Variants in EFCAB6 observed in about 807,000 individuals in gnomAD.
The protein encoded by EFCAB6 is EF-hand calcium binding domain 6.
In EFCAB6, 156 loss-of-function variants were observed where a neutral mutation model predicts 169.8. That is an observed-to-expected ratio of 0.92 (90% CI 0.81 to 1.05). The LOEUF is 1.05. Ranked by LOEUF, EFCAB6 falls within the 50% of genes least tolerant of loss-of-function variation. The probability of loss-of-function intolerance (pLI) is 0.00; values close to 1 mark genes in which losing one functional copy is unlikely to be tolerated. For synonymous variants in EFCAB6, 698 were observed against 676.4 expected, an observed-to-expected ratio of 1.03 and a Z score of -0.50; for missense variants, 1,800 against 1,829.1, an observed-to-expected ratio of 0.98 and a Z score of 0.29.
At chr22:43,629,917 G>A (rs552258378) in intron 19 of EFCAB6, among the ~76,000 whole-genome samples, 87 of 152,294 alleles carry the variant, frequency 5.7e-4, no homozygotes, top group Middle Eastern at 3.4e-3. Context: ...AGTCCAAGAC[G>A]AATTGTGAAG....
chr22:43,560,695 TAAC>T (rs965869789), intron 26 of EFCAB6, among the ~76,000 whole-genome samples: 3 of 151,502 alleles, frequency 2.0e-5, no homozygotes, highest in African/African-American at 7.3e-5. Context: ...GCGTGGGAGG[TAAC>T]ATTATCCTCC....
intron 27 of EFCAB6, among the ~76,000 whole-genome samples, chr22:43,543,560 A>C (rs1160646467): frequency 6.6e-6 from 1 of 152,088 alleles, no homozygotes; most frequent in Non-Finnish European, 1.5e-5. Flanking sequence ...GGGGGAGGGG[A>C]AGGATCGACA....
intron 16 of EFCAB6, 116 bp from the exon 17 acceptor site, chr22:43,667,388 G>C (rs1300913139): frequency 1.5e-6 from 2 of 1,305,404 alleles, no homozygotes; most frequent in East Asian, 4.7e-5. Flanking sequence ...CCCATCCTCG[G>C]TTCACTAGCT....
chr22:43,594,307 A>G (rs961082785), intron 23 of EFCAB6, among the ~76,000 whole-genome samples: 2 of 151,124 alleles, frequency 1.3e-5, no homozygotes, highest in East Asian at 3.9e-4. Context: ...AAGAAAAGAC[A>G]TGAGTAACTA....
intron 24 of EFCAB6, among the ~76,000 whole-genome samples, chr22:43,585,341 C>T (rs917859430): frequency 2.6e-5 from 4 of 151,340 alleles, no homozygotes; most frequent in African/African-American, 4.9e-5. Flanking sequence ...GACTTTGATG[C>T]GCTCATCAGC....
chr22:43,590,469 T>G lies in EFCAB6; in HGVS notation c.2877-240A>C, dbSNP rs551887234. 9.5e-4 allele frequency among the ~76,000 whole-genome samples: 144 copies of G among 152,320 alleles called. 1 individual carries two copies. Among genetic ancestry groups the G allele is most frequent in the African/African-American group, 2.8e-3 (116 of 41,566 alleles). ...AGCAAAATTACAACATTAGAGAAAT[T>G]ACAACTTTGTCTTTGTACTAGAATC... On this transcript the variant is annotated intron_variant, in intron 23 of 31. Transcript: ENST00000262726.
At chr22:43,542,090 C>T (rs911607318) in intron 27 of EFCAB6, among the ~76,000 whole-genome samples, 2 of 152,256 alleles carry the variant, frequency 1.3e-5, no homozygotes, top group African/African-American at 4.8e-5. Flanking sequence ...GGTAGGCTTG[C>T]ACCCTCCTGT....
chr22:43,582,648 A>G (rs959614567), intron 24 of EFCAB6, among the ~76,000 whole-genome samples: 5 of 152,166 alleles, frequency 3.3e-5, no homozygotes, highest in African/African-American at 1.2e-4. Context: ...CAACCTAGAT[A>G]ATAGTGGAGG....
chr22:43,799,055 G>A (rs2062610247), intron 2 of EFCAB6, among the ~76,000 whole-genome samples: 1 of 152,102 alleles, frequency 6.6e-6, no homozygotes, highest in Non-Finnish European at 1.5e-5. Context: ...GGGAGCAGTG[G>A]CTCACACCTT....
At chr22:43,651,945 T>G (rs998764758) in intron 17 of EFCAB6, among the ~76,000 whole-genome samples, 6 of 152,208 alleles carry the variant, frequency 3.9e-5, no homozygotes, top group Non-Finnish European at 8.8e-5. Context: ...AGCAACTAAC[T>G]TGCTTTTGAT....
intron 10 of EFCAB6, among the ~76,000 whole-genome samples, chr22:43,701,697 T>C (rs1214941197): frequency 1.3e-5 from 2 of 149,156 alleles, no homozygotes; most frequent in Admixed American, 1.3e-4. Flanking sequence ...ACCTGCCTTA[T>C]ATTAGGATAA....
chr22:43,647,273 T>C (rs897083182), intron 17 of EFCAB6, among the ~76,000 whole-genome samples: 1 of 151,954 alleles, frequency 6.6e-6, no homozygotes, highest in Non-Finnish European at 1.5e-5. Context: ...AAAAGGACAA[T>C]AGAAATATTT....
At position 43,614,651 on chromosome 22, in the gene EFCAB6, T is replaced by C. The variant is rs567566040; in HGVS notation, c.2562+1175A>G. Among the ~76,000 whole-genome samples the C allele has an allele frequency of 2.0e-5, 3 of 152,306 alleles. No homozygotes were observed. In the South Asian group the frequency reaches 6.2e-4, roughly 32 times the overall value. ...TGAACCTAGAGGGCTGCTCTGAAAGTGGGCCACACAGAGCTCCAGTCTGTG... is the reference window on the plus strand; with the variant it reads ...TGAACCTAGAGGGCTGCTCTGAAAGCGGGCCACACAGAGCTCCAGTCTGTG... On this transcript the variant is annotated intron_variant, in intron 21 of 31. Coordinates refer to ENST00000262726, the MANE Select transcript of EFCAB6 (RefSeq NM_022785.4).
At chr22:43,783,580 T>G (rs902840114) in intron 2 of EFCAB6, among the ~76,000 whole-genome samples, 5 of 152,194 alleles carry the variant, frequency 3.3e-5, no homozygotes, top group Non-Finnish European at 5.9e-5. Context: ...TACGGAAATT[T>G]CTATCCAACC....
chr22:43,713,520 C>A (rs1170979929), intron 9 of EFCAB6, among the ~76,000 whole-genome samples: 1 of 152,118 alleles, frequency 6.6e-6, no homozygotes, highest in Admixed American at 6.5e-5. Context: ...GGAGTGCTCA[C>A]GTGCTTCTGG....
chr22:43,564,663 C>A (rs2049308186), intron 26 of EFCAB6, among the ~76,000 whole-genome samples: 1 of 152,070 alleles, frequency 6.6e-6, no homozygotes, highest in Admixed American at 6.5e-5. Context: ...AGGGCAGGCT[C>A]CCTAAGGGTC....
At chr22:43,668,084 C>T (rs1359770780) in intron 16 of EFCAB6, among the ~76,000 whole-genome samples, 2 of 152,166 alleles carry the variant, frequency 1.3e-5, no homozygotes, top group Non-Finnish European at 1.5e-5. Context: ...ATATTTAACC[C>T]GTCTCTTAAA....
chr22:43,646,161 A>C (rs940084008), intron 17 of EFCAB6, among the ~76,000 whole-genome samples: 3 of 152,198 alleles, frequency 2.0e-5, no homozygotes, highest in Admixed American at 6.5e-5. Flanking sequence ...TCAAAGGGTA[A>C]GTGGGAAGAA....
intron 26 of EFCAB6, among the ~76,000 whole-genome samples, chr22:43,573,521 A>G (rs2050030245): frequency 6.6e-6 from 1 of 152,040 alleles, no homozygotes; most frequent in South Asian, 2.1e-4. Flanking sequence ...CACCTGAGGT[A>G]GGAGTTTGAG....
Sources: allele counts gnomAD v4.1 joint callset (sites outside exome capture counted in the v4.1 genomes callset), GRCh38; gene constraint gnomAD v4.1.1; transcripts MANE v1.5; gene names NCBI Gene and HGNC (gene_info 2026-07-23, HGNC 2026-07-21).